PHKA1: variants seen among roughly 807,000 people sequenced by gnomAD.
PHKA1 encodes the protein phosphorylase b kinase regulatory subunit alpha, skeletal muscle isoform.
A neutral mutation model predicts 110.2 loss-of-function variants in PHKA1; 60 were observed. That is an observed-to-expected ratio of 0.54 (90% confidence interval 0.44 to 0.68). PHKA1 has a LOEUF of 0.68. Among genes scored for constraint, PHKA1 ranks in the 30% least tolerant of loss-of-function variants. PHKA1 has a pLI of 0.00. For synonymous variants in PHKA1, 316 were observed against 333.6 expected, an observed-to-expected ratio of 0.95 and a Z score of 0.58; for missense variants, 801 against 942.5, an observed-to-expected ratio of 0.85 and a Z score of 1.97.
At chrX:72,601,127 C>T (rs1026251273) in intron 28 of PHKA1, among the ~76,000 whole-genome samples, 3 of 111,630 alleles carry the variant, frequency 2.7e-5, no homozygotes, top group Admixed American at 9.5e-5. Context: ...CTATTCTCAC[C>T]TGCAGGAAAA....
intron 23 of PHKA1, 55 bp from the exon 24 acceptor site, chrX:72,605,674 T>C: frequency 1.1e-6 from 1 of 914,781 alleles, no homozygotes; most frequent in Non-Finnish European, 1.6e-6. Flanking sequence ...TAATCTTAAA[T>C]ATGTTGAAAA....
At chrX:72,618,913 A>G in intron 20 of PHKA1, 64 bp from the exon 21 acceptor site, 1 of 1,005,326 alleles carries the variant, frequency 9.9e-7, no homozygotes, top group Non-Finnish European at 1.4e-6. Flanking sequence ...ATAATGTCCT[A>G]GAATGAGTCA....
At chrX:72,636,199 C>T in intron 15 of PHKA1, 78 bp downstream of exon 15, 1 of 619,527 alleles carries the variant, frequency 1.6e-6, no homozygotes, top group East Asian at 3.4e-5. Flanking sequence ...ATCCCAACTC[C>T]AGTAAATGCT....
chrX:72,709,161 A>G (rs1208574229), intron 2 of PHKA1, among the ~76,000 whole-genome samples: 3 of 110,794 alleles, frequency 2.7e-5, no homozygotes, highest in Non-Finnish European at 5.7e-5. Flanking sequence ...CATAAAGGTA[A>G]TAGTTAAAGT....
At chrX:72,667,560 A>G in intron 6 of PHKA1, 87 bp from the exon 7 acceptor site, 2 of 630,325 alleles carry the variant, frequency 3.2e-6, no homozygotes, top group Non-Finnish European at 5.2e-6. Context: ...TTATCAACAC[A>G]CATGATGTCA....
At chrX:72,615,794 G>A (rs1437033272) in intron 21 of PHKA1, among the ~76,000 whole-genome samples, 2 of 104,402 alleles carry the variant, frequency 1.9e-5, no homozygotes, top group African/African-American at 7.1e-5. Flanking sequence ...AGGAAGGAAG[G>A]ATTGATTCTA....
At chrX:72,588,495 C>A (rs1701898326) in intron 29 of PHKA1, among the ~76,000 whole-genome samples, 1 of 111,380 alleles carries the variant, frequency 9.0e-6, no homozygotes, top group Admixed American at 9.6e-5. Flanking sequence ...AAAATTGACA[C>A]CCTAATATCA....
chrX:72,653,438 G>A lies in PHKA1; in HGVS notation c.1134C>T (p.Asp378=). 8.4e-7 allele frequency: 1 copy of A among 1,194,012 alleles called. No individual in the cohort carries two copies. Among genetic ancestry groups the A allele is most frequent in the Non-Finnish European group, 1.1e-6 (1 of 879,761 alleles). ...LLPELYSVPP[D]RVDEEYQNPH... ...GTTATGGCACTGTCTGACTCACCCT[G>A]TCAGGAGGAACACTGTACAGCTCTG... The change falls in exon 11 of 32, where the codon GAC becomes GAT. Residue 378 remains aspartate, a synonymous_variant. Coordinates refer to ENST00000373542, the MANE Select transcript of PHKA1 (RefSeq NM_002637.4).
In PHKA1 at chrX:72,623,342, G is replaced by C. The variant is rs151046207; in HGVS notation, c.1794-67C>G. Reference sequence around the variant, plus strand: ...ATCCTTTTTAAACAACACAATCTTAGTGATAAAAGGACACCTAACATGTTT... The same window carrying C: ...ATCCTTTTTAAACAACACAATCTTACTGATAAAAGGACACCTAACATGTTT... On this transcript the variant is annotated intron_variant, in intron 17 of 31. Transcript: ENST00000373542. 5,075 of 861,354 alleles carry C rather than the reference G, an allele frequency of 5.9e-3. 41 individuals carry two copies. Among genetic ancestry groups the C allele is most frequent in the African/African-American group, 0.037 (1,862 of 50,129 alleles). 71.0% of individuals were successfully genotyped at this position (861,354 alleles called of 1,213,427 possible).
intron 13 of PHKA1, among the ~76,000 whole-genome samples, chrX:72,645,896 G>A (rs879976366): frequency 8.9e-6 from 1 of 111,917 alleles, no homozygotes; most frequent in Non-Finnish European, 1.9e-5. Flanking sequence ...ATCAGGAAAG[G>A]CTTCTGCAAA....
intron 29 of PHKA1, among the ~76,000 whole-genome samples, chrX:72,591,922 T>A (rs2052527395): frequency 8.9e-6 from 1 of 112,483 alleles, no homozygotes; most frequent in Non-Finnish European, 1.9e-5. Context: ...ACATGTACTG[T>A]TACTACATTT....
chrX:72,703,563 C>T (rs932936484), intron 3 of PHKA1, among the ~76,000 whole-genome samples: 1 of 110,955 alleles, frequency 9.0e-6, no homozygotes, highest in Non-Finnish European at 1.9e-5. Context: ...CACCTGTAGT[C>T]CCAGTGATGC....
At chrX:72,644,334 A>G in intron 14 of PHKA1, 28 bp downstream of exon 14, 2 of 1,203,698 alleles carry the variant, frequency 1.7e-6, no homozygotes, top group Non-Finnish European at 2.2e-6. Flanking sequence ...TAATGCTTTG[A>G]TTCTAGCAGG....
chrX:72,592,066 A>G (rs2052529203), intron 29 of PHKA1, among the ~76,000 whole-genome samples: 1 of 112,257 alleles, frequency 8.9e-6, no homozygotes, highest in South Asian at 3.6e-4. Context: ...CCTCCCTAGT[A>G]GAATATAAGT....
rs782330286 is a variant in PHKA1, at chrX:72,634,489, G to T, written c.1714+666C>A. The stretch of plus-strand genomic sequence containing the variant: ...AAAGGAAGCAGTCGCTTCAGTATTG[G>T]CTCTAGTCCTCCAGGAACTGAGAGA... On this transcript the variant is annotated intron_variant, in intron 16 of 31. Coordinates refer to ENST00000373542, the MANE Select transcript of PHKA1 (RefSeq NM_002637.4). 9.1e-4 allele frequency among the ~76,000 whole-genome samples: 99 copies of T among 109,180 alleles called. 1 individual carries two copies. The highest frequency in any genetic ancestry group is 4.7e-3 in the Middle Eastern group (1 of 212). 94.8% of individuals were successfully genotyped at this position (109,180 alleles called of 115,157 possible). A position where few individuals can be genotyped will look rare whatever the true frequency, so the allele number is the denominator to read the frequency against.
chrX:72,589,444 A>G (rs782040705), intron 29 of PHKA1, among the ~76,000 whole-genome samples: 3 of 111,986 alleles, frequency 2.7e-5, no homozygotes, highest in African/African-American at 9.7e-5. Context: ...AATAAGAGCT[A>G]TTTAAGACAA....
At position 72,686,005 on chromosome X, in the gene PHKA1, G is replaced by A. The variant is rs561353440; in HGVS notation, c.455-1425C>T. Among the ~76,000 whole-genome samples, 9 of 111,856 alleles carry A rather than the reference G, an allele frequency of 8.0e-5. No individual in the cohort carries two copies. In the South Asian group the frequency reaches 1.5e-3, roughly 19 times the overall value. On this transcript the variant is annotated intron_variant, in intron 4 of 31. Coordinates refer to ENST00000373542, the MANE Select transcript of PHKA1 (RefSeq NM_002637.4). ...GTTTGCTGAACAGTGGGCATATCTA[G>A]AGCAATTAGATCTAGATGAAAAAAA...
intron 30 of PHKA1, 44 bp downstream of exon 30, chrX:72,584,205 G>A: frequency 9.5e-7 from 1 of 1,051,869 alleles, no homozygotes; most frequent in Non-Finnish European, 1.3e-6. Context: ...ACTTTAGCCA[G>A]CAAAGTTATC....
intron 21 of PHKA1, among the ~76,000 whole-genome samples, chrX:72,611,953 T>C (rs1166197627): frequency 8.9e-6 from 1 of 111,913 alleles, no homozygotes; most frequent in Non-Finnish European, 1.9e-5. Flanking sequence ...AATTACCATA[T>C]AATCCAGCAT....
Sources: gnomAD v4.1 joint callset for allele counts (sites outside exome capture counted in the v4.1 genomes callset) on GRCh38, gnomAD v4.1.1 for gene constraint, MANE v1.5 for transcripts, NCBI Gene and HGNC (gene_info 2026-07-23, HGNC 2026-07-21) for gene names.